Variants in SLC20A1 observed in about 807,000 individuals in gnomAD.
SLC20A1 encodes the protein sodium-dependent phosphate transporter 1.
SLC20A1 carries 28 observed loss-of-function variants against 62.7 expected under a neutral mutation model. That is an observed-to-expected ratio of 0.45 (90% CI 0.33 to 0.61). The LOEUF is 0.61. SLC20A1 is among the 20% of genes least tolerant of loss of function. The pLI, the probability that SLC20A1 is intolerant of heterozygous loss-of-function variation, is 0.02. For synonymous variants in SLC20A1, 305 were observed against 302.9 expected (o/e 1.01, Z -0.07); for missense variants, 673 against 838.6 (o/e 0.80, Z 2.44).
At position 112,663,045 on chromosome 2, in the gene SLC20A1, T is replaced by TTG. The variant is rs775395202; in HGVS notation, c.*24_*25dup. The stretch of plus-strand genomic sequence containing the variant: ...ATGTGAAGCTGTTTGAGATTAAAAT[T>TTG]TGTGTCAATGTTTGGGACCATCTTA... On this transcript the variant is annotated 3_prime_UTR_variant, in exon 11 of 11. Coordinates refer to ENST00000272542, the MANE Select transcript of SLC20A1 (RefSeq NM_005415.5). 3.5e-5 allele frequency: 56 copies of TTG among 1,613,588 alleles called. No individual in the cohort carries two copies. Among genetic ancestry groups the TTG allele is most frequent in the Non-Finnish European group, 3.2e-5 (38 of 1,179,586 alleles).
chr2:112,655,396 A>G (rs1336522348), intron 5 of SLC20A1, among the ~76,000 whole-genome samples: 1 of 152,140 alleles, frequency 6.6e-6, no homozygotes, highest in Non-Finnish European at 1.5e-5. Context: ...TTATAGGTAC[A>G]TAACCTCATT....
chr2:112,661,648 A>G (rs950868996), intron 10 of SLC20A1, among the ~76,000 whole-genome samples: 1 of 152,110 alleles, frequency 6.6e-6, no homozygotes, highest in African/African-American at 2.4e-5. Context: ...TCCTGGGCTC[A>G]AGTGATTCTT....
chr2:112,659,908 A>G, intron 8 of SLC20A1, 146 bp downstream of exon 8: 4 of 650,926 alleles, frequency 6.1e-6, no homozygotes, highest in Non-Finnish European at 1.0e-5. Context: ...AGTTATTGAC[A>G]TAATAAGACA....
chr2:112,648,362 G>T (rs1236479715), intron 4 of SLC20A1, among the ~76,000 whole-genome samples: 1 of 152,212 alleles, frequency 6.6e-6, no homozygotes, highest in Non-Finnish European at 1.5e-5. Context: ...TTATCAAGAA[G>T]TCTTGCTGGC....
chr2:112,662,827 T>C (rs749237624), intron 10 of SLC20A1, 37 bp from the exon 11 acceptor site: 1 of 1,607,344 alleles, frequency 6.2e-7, no homozygotes, highest in Non-Finnish European at 8.5e-7. Flanking sequence ...CCACTGGCAC[T>C]TCAATAACCT....
chr2:112,651,491 T>G (rs1207002916), intron 4 of SLC20A1, among the ~76,000 whole-genome samples: 1 of 151,990 alleles, frequency 6.6e-6, no homozygotes, highest in Non-Finnish European at 1.5e-5. Flanking sequence ...GCAACCTCTG[T>G]CTCCCAGGTT....
chr2:112,654,932 T>G (rs1686541991), intron 5 of SLC20A1, among the ~76,000 whole-genome samples: 1 of 150,782 alleles, frequency 6.6e-6, no homozygotes, highest in Non-Finnish European at 1.5e-5. Context: ...CAAAAAAAGT[T>G]TTAGTTTTGA....
intron 1 of SLC20A1, 90 bp downstream of exon 1, chr2:112,646,219 G>T (rs1048655956): frequency 6.6e-6 from 1 of 152,164 alleles, no homozygotes; most frequent in African/African-American, 2.4e-5. Context: ...GCCGTGGGCG[G>T]CGCGGCTGGC....
chr2:112,659,166 C>G (rs1686681543), intron 7 of SLC20A1, 38 bp from the exon 8 acceptor site: 1 of 1,604,926 alleles, frequency 6.2e-7, no homozygotes, highest in East Asian at 2.2e-5. Context: ...GGATTTGATG[C>G]TTTTTGTATT....
Position 112,657,137 on chromosome 2 carries a change from A to G in SLC20A1, c.674A>G (p.Lys225Arg), listed in dbSNP as rs746582790. 142 of 1,611,458 alleles carry G rather than the reference A, an allele frequency of 8.8e-5. No individual in the cohort carries two copies. The highest frequency in any genetic ancestry group is 7.4e-4 in the East Asian group (33 of 44,754). The change falls in exon 6 of 11, where the codon AAA (lysine) becomes AGA (arginine). Residue 225 changes from lysine (K) to arginine (R), a missense_variant. Physicochemically the swap from Lys to Arg is conservative, Grantham distance 26. Coordinates refer to ENST00000272542, the MANE Select transcript of SLC20A1 (RefSeq NM_005415.5). ...YTGAPLLGFD[K>R]LPLWGTILIS... ...TATCTCCTAGTGCTGGGCTTTGACA[A>G]ACTTCCTCTGTGGGGTACCATCCTC...
rs1192216890 is a variant in SLC20A1 at position 112,648,174 on chromosome 2, T to C, written c.561+436T>C. On this transcript the variant is annotated intron_variant, in intron 4 of 10. Coordinates refer to ENST00000272542, the MANE Select transcript of SLC20A1 (RefSeq NM_005415.5). ...GCCGTGCTGATTATCATAACCAGTT[T>C]ATAAGCTTCTAGATGAGGACTCTGC... is the stretch of plus-strand genomic sequence containing the variant. Among the ~76,000 whole-genome samples, 3 of 152,254 alleles carry C rather than the reference T, an allele frequency of 2.0e-5. No homozygotes were observed. In the East Asian group the frequency reaches 5.8e-4, roughly 29 times the overall value.
intron 6 of SLC20A1, among the ~76,000 whole-genome samples, chr2:112,658,054 C>T (rs1250799780): frequency 3.9e-5 from 6 of 152,234 alleles, no homozygotes; most frequent in South Asian, 2.1e-4. Context: ...GCAGCTGAAC[C>T]GAAGAGCCTC....
rs1686687171 is a variant in SLC20A1, at chr2:112,659,335, A to G, written c.1180A>G (p.Lys394Glu). 2 of 1,614,090 alleles carry G rather than the reference A, an allele frequency of 1.2e-6. No homozygotes were observed. Among genetic ancestry groups the G allele is most frequent in the Non-Finnish European group, 1.7e-6 (2 of 1,180,054 alleles). ...DSGLYKELLHKLHLAKVGDCM... is the reference protein window; with the variant it reads ...DSGLYKELLHELHLAKVGDCM... ...CGGCCTGTACAAAGAGCTACTCCATAAATTACATCTTGCCAAGGTGGGAGA... is the reference window on the plus strand; with the variant it reads ...CGGCCTGTACAAAGAGCTACTCCATGAATTACATCTTGCCAAGGTGGGAGA... Residue 394 changes from lysine to glutamate, a missense_variant, in exon 8 of 11, where the codon AAA becomes GAA. By Grantham distance (56) the Lys-to-Glu change is moderately conservative (BLOSUM62 1). Transcript: ENST00000272542.
Position 112,656,290 on chromosome 2 carries a change from A to G in SLC20A1, c.659-832A>G, listed in dbSNP as rs895287579. On this transcript the variant is annotated intron_variant, in intron 5 of 10. Transcript: ENST00000272542. ...AGCTCACTGCAACCTCCGCCCTGCCAGGTTCAAGTGATTCTCCCACCTCAG... is the reference window on the plus strand; with the variant it reads ...AGCTCACTGCAACCTCCGCCCTGCCGGGTTCAAGTGATTCTCCCACCTCAG... Among the ~76,000 whole-genome samples the G allele has an allele frequency of 2.1e-5, 3 of 142,756 alleles. No individual in the cohort carries two copies. The East Asian group carries it at 6.2e-4, about 30-fold the overall frequency. The allele number at this position is 142,756 out of a possible 152,430, so 93.7% of individuals were successfully genotyped here. A position where few individuals can be genotyped will look rare whatever the true frequency, so the allele number is the denominator to read the frequency against.
chr2:112,652,624 C>T lies in SLC20A1; in HGVS notation c.562-78C>T, dbSNP rs1440634522. ...GTTATTGGCACTATAATTCCCAAACCTACCCTGTTAAAAGATTCTGTGGAA... is the reference window on the plus strand; with the variant it reads ...GTTATTGGCACTATAATTCCCAAACTTACCCTGTTAAAAGATTCTGTGGAA... On this transcript the variant is annotated intron_variant, in intron 4 of 10. Transcript: ENST00000272542. 2.3e-5 allele frequency: 27 copies of T among 1,170,778 alleles called. No individual in the cohort carries two copies. The East Asian group carries it at 6.1e-4, about 26-fold the overall frequency. 72.5% of individuals were successfully genotyped at this position (1,170,778 alleles called of 1,614,324 possible).
intron 5 of SLC20A1, among the ~76,000 whole-genome samples, chr2:112,655,580 G>A (rs1686562831): frequency 7.1e-6 from 1 of 140,896 alleles, no homozygotes; most frequent in African/African-American, 2.7e-5. Context: ...TTGCTGTGTT[G>A]CCCAGGCTGG....
At chr2:112,653,041 C>T (rs1299382629) in intron 5 of SLC20A1, 2 of 879,412 alleles carry the variant, frequency 2.3e-6, no homozygotes, top group Non-Finnish European at 1.8e-6. Flanking sequence ...TTCACAGGAT[C>T]CACTGATAAT....
intron 10 of SLC20A1, among the ~76,000 whole-genome samples, chr2:112,661,503 A>T (rs1265401965): frequency 3.3e-5 from 5 of 150,480 alleles, no homozygotes; most frequent in African/African-American, 7.3e-5. Context: ...CTTTATAATA[A>T]TTTTTTTTTT....
At chr2:112,654,837 A>C (rs976398413) in intron 5 of SLC20A1, among the ~76,000 whole-genome samples, 4 of 147,442 alleles carry the variant, frequency 2.7e-5, no homozygotes, top group Non-Finnish European at 5.9e-5. Flanking sequence ...CGGAGGTTGC[A>C]GTGAGCCAAG....
Sources: allele counts gnomAD v4.1 joint callset (sites outside exome capture counted in the v4.1 genomes callset), GRCh38; gene constraint gnomAD v4.1.1; transcripts MANE v1.5; gene names NCBI Gene and HGNC (gene_info 2026-07-23, HGNC 2026-07-21).